The following LRRC4C variants were observed in gnomAD, a reference collection of about 807,000 sequenced individuals.
The protein encoded by LRRC4C is leucine rich repeat containing 4C, also known as leucine-rich repeat-containing protein 4C.
A neutral mutation model predicts 33.6 loss-of-function variants in LRRC4C; 5 were observed. That is an observed-to-expected ratio of 0.15 (90% CI 0.08 to 0.31). The LOEUF (loss-of-function observed/expected upper bound fraction) is 0.31, where lower values mean the gene tolerates loss of function less well. Among genes scored for constraint, LRRC4C ranks in the 10% least tolerant of loss-of-function variants. The probability of loss-of-function intolerance (pLI) is 1.00; values close to 1 mark genes in which losing one functional copy is unlikely to be tolerated. For missense variants in LRRC4C, 560 were observed against 796.7 expected, an observed-to-expected ratio of 0.70 and a Z score of 3.58; for synonymous variants, 329 against 302.0, an observed-to-expected ratio of 1.09 and a Z score of -0.93.
intron 1 of LRRC4C, among the ~76,000 whole-genome samples, chr11:41,442,870 T>C (rs978461328): frequency 1.1e-4 from 16 of 152,148 alleles, no homozygotes; most frequent in African/African-American, 3.9e-4. Flanking sequence ...TATCTTCAAA[T>C]TTCTGCCCAA....
At chr11:40,631,427 G>A (rs1199901833) in intron 3 of LRRC4C, among the ~76,000 whole-genome samples, 2 of 152,248 alleles carry the variant, frequency 1.3e-5, no homozygotes, top group Admixed American at 6.5e-5. Flanking sequence ...TGATGAAGAT[G>A]TCACACTGAC....
chr11:40,765,012 C>T (rs539864204), intron 2 of LRRC4C, among the ~76,000 whole-genome samples: 1 of 152,232 alleles, frequency 6.6e-6, no homozygotes, highest in South Asian at 2.1e-4. Flanking sequence ...AAATATCCAA[C>T]TCTTCAGTGC....
chr11:40,849,157 C>T (rs1565131152), intron 2 of LRRC4C, among the ~76,000 whole-genome samples: 1 of 152,096 alleles, frequency 6.6e-6, no homozygotes, highest in Non-Finnish European at 1.5e-5. Context: ...TTTACTAATG[C>T]TATGTGTAAA....
chr11:40,882,078 G>A (rs114946871), intron 2 of LRRC4C, among the ~76,000 whole-genome samples: 2,006 of 152,062 alleles, frequency 0.013, 53 homozygotes, highest in African/African-American at 0.046. Flanking sequence ...TGCCATCGAG[G>A]CATGAAAGCA....
At chr11:40,962,289 T>A (rs1437498316) in intron 1 of LRRC4C, among the ~76,000 whole-genome samples, 1 of 151,428 alleles carries the variant, frequency 6.6e-6, no homozygotes, top group Non-Finnish European at 1.5e-5. Flanking sequence ...GAAAATAGAT[T>A]CTCCCCTTCA....
At chr11:41,100,873 C>T (rs1455322298) in intron 1 of LRRC4C, among the ~76,000 whole-genome samples, 1 of 151,886 alleles carries the variant, frequency 6.6e-6, no homozygotes, top group Non-Finnish European at 1.5e-5. Flanking sequence ...AATAGAGAGC[C>T]CAGAATTAAA....
intron 2 of LRRC4C, among the ~76,000 whole-genome samples, chr11:40,933,140 G>C (rs1363582325): frequency 1.3e-5 from 2 of 152,134 alleles, no homozygotes; most frequent in African/African-American, 4.8e-5. Flanking sequence ...GATAAAGGAA[G>C]GATAAATTAT....
Position 40,336,343 on chromosome 11 carries a change from G to A in LRRC4C, c.-269-16622C>T, listed in dbSNP as rs540918802. 5.3e-5 allele frequency among the ~76,000 whole-genome samples: 8 copies of A among 152,180 alleles called. No homozygotes were observed. In the South Asian group the frequency reaches 1.7e-3, roughly 32 times the overall value. On this transcript the variant is annotated intron_variant, in intron 3 of 6. Coordinates refer to ENST00000528697, the MANE Select transcript of LRRC4C (RefSeq NM_001258419.2). ...AAAGAAAGTGATGTGCACTATTTTG[G>A]GCCTGGCTAATACGTATTTCCCACA...
chr11:41,414,258 A>G (rs1262609995), intron 1 of LRRC4C, among the ~76,000 whole-genome samples: 2 of 152,194 alleles, frequency 1.3e-5, no homozygotes. Context: ...AGAAAAAAGA[A>G]GAGGCAAGAT....
chr11:41,359,158 T>C (rs1952260703), intron 1 of LRRC4C, among the ~76,000 whole-genome samples: 1 of 151,742 alleles, frequency 6.6e-6, no homozygotes, highest in African/African-American at 2.4e-5. Flanking sequence ...ATAGGAACAA[T>C]TAAAAAAATA....
At chr11:40,812,362 G>A (rs1460247526) in intron 2 of LRRC4C, among the ~76,000 whole-genome samples, 3 of 152,074 alleles carry the variant, frequency 2.0e-5, no homozygotes, top group African/African-American at 7.2e-5. Context: ...TATACATCTT[G>A]TGAATGTATC....
chr11:41,122,635 T>C (rs1294216378), intron 1 of LRRC4C, among the ~76,000 whole-genome samples: 1 of 151,908 alleles, frequency 6.6e-6, no homozygotes. Flanking sequence ...TAGAAATATA[T>C]ATAAATATGG....
At chr11:40,825,008 A>C (rs1456055338) in intron 2 of LRRC4C, among the ~76,000 whole-genome samples, 1 of 151,980 alleles carries the variant, frequency 6.6e-6, no homozygotes. Context: ...TTTCAAGCTG[A>C]AAGAGAAGGG....
At chr11:40,336,616 G>A (rs1345741959) in intron 3 of LRRC4C, among the ~76,000 whole-genome samples, 1 of 152,170 alleles carries the variant, frequency 6.6e-6, no homozygotes, top group Non-Finnish European at 1.5e-5. Flanking sequence ...TTCAGTTAAT[G>A]TAGAGAGAGT....
intron 3 of LRRC4C, among the ~76,000 whole-genome samples, chr11:40,560,899 A>G (rs1015482537): frequency 2.6e-5 from 4 of 152,220 alleles, no homozygotes; most frequent in Non-Finnish European, 5.9e-5. Flanking sequence ...TAAATGACAG[A>G]AATGAAACAA....
chr11:40,943,898 T>C (rs1267389302), intron 1 of LRRC4C, among the ~76,000 whole-genome samples: 3 of 152,200 alleles, frequency 2.0e-5, no homozygotes, highest in Non-Finnish European at 4.4e-5. Context: ...TCTTCCCCAA[T>C]TTCACTTCCA....
chr11:40,313,933 C>T (rs1945452124), intron 4 of LRRC4C, among the ~76,000 whole-genome samples: 1 of 151,948 alleles, frequency 6.6e-6, no homozygotes, highest in South Asian at 2.1e-4. Flanking sequence ...TTCTTTAGCA[C>T]ATTGGTCTGG....
intron 5 of LRRC4C, among the ~76,000 whole-genome samples, chr11:40,239,391 T>G (rs1470814): frequency 0.74 from 112,994 of 151,986 alleles, 46,057 homozygotes; most frequent in East Asian, 0.95. Flanking sequence ...AACCAGTGTA[T>G]GTTTGTTAAA....
At chr11:40,747,223 C>T (rs1948473467) in intron 2 of LRRC4C, among the ~76,000 whole-genome samples, 1 of 152,160 alleles carries the variant, frequency 6.6e-6, no homozygotes, top group Non-Finnish European at 1.5e-5. Flanking sequence ...CCTGGAGTAC[C>T]AGTCCTGAGG....
Sources: gnomAD v4.1 joint callset for allele counts (sites outside exome capture counted in the v4.1 genomes callset) on GRCh38, gnomAD v4.1.1 for gene constraint, MANE v1.5 for transcripts, NCBI Gene and HGNC (gene_info 2026-07-23, HGNC 2026-07-21) for gene names.